The following ARHGEF26 variants were observed in gnomAD, a reference collection of about 807,000 sequenced individuals.
ARHGEF26 encodes the protein Rho guanine nucleotide exchange factor 26.
A neutral mutation model predicts 89.4 loss-of-function variants in ARHGEF26; 59 were observed. The observed-to-expected ratio is 0.66, with a 90% CI of 0.54 to 0.82. The LOEUF (loss-of-function observed/expected upper bound fraction) is 0.82, where lower values mean the gene tolerates loss of function less well. ARHGEF26 is among the 40% of genes least tolerant of loss of function. The probability of loss-of-function intolerance (pLI) is 0.00; values close to 1 mark genes in which losing one functional copy is unlikely to be tolerated. For missense variants in ARHGEF26, 1,234 were observed against 1,085.6 expected, an observed-to-expected ratio of 1.14 and a Z score of -1.92; for synonymous variants, 500 against 428.4, an observed-to-expected ratio of 1.17 and a Z score of -2.06.
At chr3:154,141,380 C>T (rs552909745) in intron 4 of ARHGEF26, among the ~76,000 whole-genome samples, 20 of 152,288 alleles carry the variant, frequency 1.3e-4, no homozygotes, top group African/African-American at 2.6e-4. Flanking sequence ...ACTTTGCCCC[C>T]GCTTAATAGG....
chr3:154,199,996 C>G (rs1192200694), intron 9 of ARHGEF26, among the ~76,000 whole-genome samples: 1 of 152,006 alleles, frequency 6.6e-6, no homozygotes. Flanking sequence ...TATTTTCCTT[C>G]TATTCTGGGG....
intron 4 of ARHGEF26, among the ~76,000 whole-genome samples, chr3:154,143,215 A>G (rs556261895): frequency 7.2e-5 from 11 of 152,372 alleles, no homozygotes; most frequent in Middle Eastern, 6.8e-3. Flanking sequence ...ATCTCTTTCT[A>G]TTCAATCACT....
chr3:154,227,282 C>G (rs1408631554), intron 11 of ARHGEF26, among the ~76,000 whole-genome samples: 1 of 142,770 alleles, frequency 7.0e-6, no homozygotes, highest in Non-Finnish European at 1.5e-5. Flanking sequence ...GTTCTAGCAG[C>G]TAAGTAAAAA....
intron 6 of ARHGEF26, among the ~76,000 whole-genome samples, chr3:154,163,050 C>G (rs547048690): frequency 6.6e-6 from 1 of 152,182 alleles, no homozygotes; most frequent in South Asian, 2.1e-4. Context: ...ACTGATTCAC[C>G]AAAAATTGGG....
chr3:154,216,494 T>TTTTTTTTG (rs1715743455), intron 9 of ARHGEF26, among the ~76,000 whole-genome samples: 1 of 123,012 alleles, frequency 8.1e-6, no homozygotes, highest in African/African-American at 3.1e-5. Flanking sequence ...TTTTTTTTAT[T>TTTTTTTTG]TTTTTTTATT....
chr3:154,205,340 T>G (rs1210400037), intron 9 of ARHGEF26, among the ~76,000 whole-genome samples: 1 of 152,170 alleles, frequency 6.6e-6, no homozygotes, highest in Non-Finnish European at 1.5e-5. Flanking sequence ...TTTTTTTGTT[T>G]TGGTTTCCAT....
intron 4 of ARHGEF26, among the ~76,000 whole-genome samples, chr3:154,145,140 T>C (rs1719621043): frequency 6.6e-6 from 1 of 152,070 alleles, no homozygotes; most frequent in African/African-American, 2.4e-5. Flanking sequence ...AGAGAGCCTA[T>C]TGGGTCTGGT....
chr3:154,215,914 T>C (rs890579747), intron 9 of ARHGEF26, among the ~76,000 whole-genome samples: 2 of 151,936 alleles, frequency 1.3e-5, no homozygotes, highest in African/African-American at 4.8e-5. Flanking sequence ...TAATAATTGA[T>C]AAGTGAAAAA....
At position 154,139,243 on chromosome 3, in the gene ARHGEF26, C is replaced by T. The variant is rs370746874; in HGVS notation, c.1269+9524C>T. 4.6e-5 allele frequency among the ~76,000 whole-genome samples: 7 copies of T among 152,130 alleles called. No homozygotes were observed. In the East Asian group the frequency reaches 5.8e-4, roughly 13 times the overall value. ...CCTTTGTGGGTTTTTCCTCATTCCT[C>T]TGTTCTCTAAATTTTGGAGGGCCCC... On this transcript the variant is annotated intron_variant, in intron 4 of 14. Transcript: ENST00000465093.
rs569884072 is a variant in ARHGEF26 at position 154,210,716 on chromosome 3, C to T, written c.1846-7153C>T. On this transcript the variant is annotated intron_variant, in intron 9 of 14. Coordinates refer to ENST00000465093, the MANE Select transcript of ARHGEF26 (RefSeq NM_015595.4). ...CAGCACATTGAGAGGCCGAGGCAGG[C>T]GGATCACCTGAGGTCAGGAGTTTGA... 3.3e-5 allele frequency among the ~76,000 whole-genome samples: 5 copies of T among 149,842 alleles called. No homozygotes were observed. In the East Asian group the frequency reaches 8.6e-4, roughly 26 times the overall value.
rs1720279429 is a variant in ARHGEF26, at chr3:154,155,450, A to C, written c.1487+2518A>C. On this transcript the variant is annotated intron_variant, in intron 6 of 14. Transcript: ENST00000465093. ...TTAATAAGAAGGAGAGGGAAAACGT[A>C]TTAGCATTTTTTTTTCTGCTCAAAA... Among the ~76,000 whole-genome samples, 3 of 152,002 alleles carry C rather than the reference A, an allele frequency of 2.0e-5. No individual in the cohort carries two copies. The South Asian group carries it at 6.2e-4, about 31-fold the overall frequency.
chr3:154,129,621 G>T lies in ARHGEF26; in HGVS notation c.1171G>T (p.Asp391Tyr). The T allele has an allele frequency of 6.2e-7, 1 of 1,611,760 alleles. No homozygotes were observed. The highest frequency in any genetic ancestry group is 8.5e-7 in the Non-Finnish European group (1 of 1,178,882). Residue 391 changes from aspartate (D) to tyrosine (Y), a missense_variant, in exon 4 of 15, where the codon GAT (aspartate) becomes TAT (tyrosine). Asp to Tyr is a radical substitution (Grantham distance 160, BLOSUM62 -3). Transcript: ENST00000465093. ...CTACAAGGAAAAGGCCCTTGACATT[G>T]ATTCTGATGAAGAGTCAGAGCCCAA... The part of the protein sequence containing the change: ...QNYKEKALDI[D>Y]SDEESEPKEQ...
At chr3:154,128,426 G>A (rs2108044424) in intron 3 of ARHGEF26, among the ~76,000 whole-genome samples, 1 of 152,112 alleles carries the variant, frequency 6.6e-6, no homozygotes, top group Admixed American at 6.5e-5. Flanking sequence ...TTTGATAGAG[G>A]CAGGATCTCA....
At chr3:154,239,336 G>GT (rs1396718175) in intron 11 of ARHGEF26, among the ~76,000 whole-genome samples, 1 of 106,782 alleles carries the variant, frequency 9.4e-6, no homozygotes, top group Non-Finnish European at 2.0e-5. Context: ...GTGTGTGTGT[G>GT]TGTGTATGAA....
At chr3:154,183,913 C>T (rs1713334435) in intron 6 of ARHGEF26, among the ~76,000 whole-genome samples, 1 of 151,802 alleles carries the variant, frequency 6.6e-6, no homozygotes, top group Non-Finnish European at 1.5e-5. Context: ...AGCTACTTGC[C>T]TCAAGATATT....
At chr3:154,219,660 C>T (rs575081642) in intron 10 of ARHGEF26, among the ~76,000 whole-genome samples, 1 of 151,024 alleles carries the variant, frequency 6.6e-6, no homozygotes, top group African/African-American at 2.4e-5. Context: ...TTGAAAAATG[C>T]TAACCCCAAG....
intron 12 of ARHGEF26, 75 bp from the exon 13 acceptor site, chr3:154,253,041 T>C (rs1718255374): frequency 5.2e-6 from 8 of 1,548,468 alleles, no homozygotes; most frequent in South Asian, 2.3e-5. Context: ...TGCCTTTGCA[T>C]TGGCTGCCTA....
At position 154,240,479 on chromosome 3, in the gene ARHGEF26, C is replaced by A. The variant is rs184411740; in HGVS notation, c.2200C>A (p.Leu734Ile). 7.6e-5 allele frequency: 123 copies of A among 1,613,368 alleles called. 1 individual carries two copies. In the African/African-American group the frequency reaches 1.4e-3, roughly 18 times the overall value. Reference protein sequence around the residue: ...SSPGKNSSTMLYSRQSSASHL... With the variant: ...SSPGKNSSTMIYSRQSSASHL... ...TCCAGGGAAGAACAGCTCCACAATG[C>A]TCTATTCAAGACAGAGCTCTGCCAG... Residue 734 changes from leucine (L) to isoleucine (I), a missense_variant, in exon 12 of 15, where the codon CTC becomes ATC. Leu to Ile is a conservative substitution (Grantham distance 5). Coordinates refer to ENST00000465093, the MANE Select transcript of ARHGEF26 (RefSeq NM_015595.4).
At chr3:154,131,202 AG>A (rs1293688211) in intron 4 of ARHGEF26, among the ~76,000 whole-genome samples, 3 of 152,152 alleles carry the variant, frequency 2.0e-5, no homozygotes, top group Admixed American at 2.0e-4. Flanking sequence ...TGTGGTGAAC[AG>A]GCCTTATATA....
Sources: gnomAD v4.1 joint callset for allele counts (sites outside exome capture counted in the v4.1 genomes callset) on GRCh38, gnomAD v4.1.1 for gene constraint, MANE v1.5 for transcripts, NCBI Gene and HGNC (gene_info 2026-07-23, HGNC 2026-07-21) for gene names.